Variants in STK10 observed in about 807,000 individuals in gnomAD.
STK10 encodes serine/threonine-protein kinase 10.
STK10 carries 78 observed loss-of-function variants against 113.8 expected under a neutral mutation model. The observed-to-expected ratio is 0.69, with a 90% CI of 0.57 to 0.83. STK10 has a LOEUF of 0.83. STK10 is among the 40% of genes least tolerant of loss of function. STK10 has a pLI of 0.00. For synonymous variants in STK10, 465 were observed against 494.7 expected (o/e 0.94, Z 0.80); for missense variants, 1,109 against 1,280.1 (o/e 0.87, Z 2.04).
intron 1 of STK10, among the ~76,000 whole-genome samples, chr5:172,165,054 C>A (rs3822512): frequency 0.41 from 62,816 of 151,960 alleles, 13,290 homozygotes; most frequent in East Asian, 0.6. Flanking sequence ...ATAACCCTCC[C>A]AGCCGGGGAC....
rs1349010893 is a variant in STK10, at chr5:172,055,498, T to C, written c.2526+90A>G. 4.1e-6 allele frequency: 5 copies of C among 1,222,846 alleles called. No homozygotes were observed. In the South Asian group the frequency reaches 8.8e-5, roughly 22 times the overall value. The allele number at this position is 1,222,846 out of a possible 1,614,324, so 75.7% of individuals were successfully genotyped here. ...AGCCAGCCTGCATCTTGTTTCATAT[T>C]CTCCAAAACTGTATAAGGCCCAGGT... On this transcript the variant is annotated intron_variant, in intron 16 of 18. Transcript: ENST00000176763.
At chr5:172,097,616 T>C (rs1226679522) in intron 7 of STK10, among the ~76,000 whole-genome samples, 3 of 152,222 alleles carry the variant, frequency 2.0e-5, no homozygotes, top group South Asian at 4.1e-4. Flanking sequence ...CTGTGCAGGG[T>C]CTCACTGTAT....
Position 172,075,396 on chromosome 5 carries a change from G to A in STK10, c.1989+6930C>T, listed in dbSNP as rs528360418. ...ACTTCACTAAAAAATACATATGGGT[G>A]CCAGGCGCGGTGGCTCATGCCTGTA... On this transcript the variant is annotated intron_variant, in intron 12 of 18. Transcript: ENST00000176763. Among the ~76,000 whole-genome samples, 652 of 152,280 alleles carry A rather than the reference G, an allele frequency of 4.3e-3. 7 individuals are homozygous for A. The highest frequency in any genetic ancestry group is 0.015 in the African/African-American group (634 of 41,562).
chr5:172,149,189 G>C (rs896279347), intron 2 of STK10, among the ~76,000 whole-genome samples: 1 of 152,202 alleles, frequency 6.6e-6, no homozygotes, highest in South Asian at 2.1e-4. Flanking sequence ...CAATCCCACA[G>C]AACTGTGAGG....
In STK10 at chr5:172,120,767, G is replaced by A. The variant is rs1351114366; in HGVS notation, c.371-3137C>T. Among the ~76,000 whole-genome samples the A allele has an allele frequency of 2.0e-5, 3 of 152,186 alleles. No homozygotes were observed. The highest frequency in any genetic ancestry group is 2.0e-4 in the Admixed American group (3 of 15,264). ...TAAGATGAGTCCAGGGCTGGAATAT[G>A]TGCCGCAATCTTTTTAATGGCAAAA... On this transcript the variant is annotated intron_variant, in intron 3 of 18. Transcript: ENST00000176763. This position sits in a 1 kb window ranked among gnomAD's most constrained non-coding sequence, Gnocchi z 4.0.
intron 2 of STK10, among the ~76,000 whole-genome samples, chr5:172,145,026 T>C (rs958823030): frequency 2.6e-5 from 4 of 152,184 alleles, no homozygotes; most frequent in Non-Finnish European, 5.9e-5. Flanking sequence ...CAAAGTCCCC[T>C]GAGCTTGAGT....
intron 1 of STK10, among the ~76,000 whole-genome samples, chr5:172,165,678 C>T (rs76241431): frequency 0.026 from 3,998 of 152,274 alleles, 200 homozygotes; most frequent in African/African-American, 0.091. Flanking sequence ...GAACCAAGGG[C>T]GCCTGAAAAT....
At chr5:172,077,555 C>T (rs1022102100) in intron 12 of STK10, among the ~76,000 whole-genome samples, 8 of 152,152 alleles carry the variant, frequency 5.3e-5, no homozygotes, top group Non-Finnish European at 1.5e-5. Context: ...TGCATATATA[C>T]ACATACACAG....
rs867501113 is a variant in STK10, at chr5:172,104,880, C to T, written c.870+776G>A. 2.6e-5 allele frequency among the ~76,000 whole-genome samples: 4 copies of T among 152,310 alleles called. No individual in the cohort carries two copies. The Middle Eastern group carries it at 0.01, about 389-fold the overall frequency. On this transcript the variant is annotated intron_variant, in intron 7 of 18. Coordinates refer to ENST00000176763, the MANE Select transcript of STK10 (RefSeq NM_005990.4). ...TTATGTGACCACTACCCACTAAAAA[C>T]CCTAAGGGGCTTCCGTGGTGGACAG...
Position 172,165,815 on chromosome 5 carries a change from G to A in STK10, c.157-9027C>T, listed in dbSNP as rs551415097. ...TTGCTTTTTTTTTTTTTTTTGAGAC[G>A]GAGTTTCCCTCTTTGTTGCCCAGGC... is the stretch of plus-strand genomic sequence containing the variant. On this transcript the variant is annotated intron_variant, in intron 1 of 18. Coordinates refer to ENST00000176763, the MANE Select transcript of STK10 (RefSeq NM_005990.4). 3.7e-4 allele frequency among the ~76,000 whole-genome samples: 56 copies of A among 150,698 alleles called. 1 individual carries two copies. The South Asian group carries it at 8.8e-3, about 24-fold the overall frequency.
At chr5:172,145,756 T>TGGTAGAGGCTGCCTCC (rs1770073183) in intron 2 of STK10, among the ~76,000 whole-genome samples, 1 of 152,128 alleles carries the variant, frequency 6.6e-6, no homozygotes, top group Admixed American at 6.6e-5. Flanking sequence ...GTGGGGGTGA[T>TGGTAGAGGCTGCCTCC]GGTAGAGGCT....
At chr5:172,149,425 T>A (rs1770158089) in intron 2 of STK10, among the ~76,000 whole-genome samples, 1 of 152,164 alleles carries the variant, frequency 6.6e-6, no homozygotes, top group African/African-American at 2.4e-5. Flanking sequence ...GGCATGTCGA[T>A]ACAGTAATAA....
chr5:172,061,242 C>T lies in STK10; in HGVS notation c.2109G>A (p.Lys703=), dbSNP rs1000105369. The change falls in exon 14 of 19, where the codon AAG becomes AAA. Residue 703 remains lysine, a synonymous_variant. Transcript: ENST00000176763. The part of the protein sequence containing the change: ...LLDRDFVAKQ[K]EDLELAMKRL... ...TCTTCATGGCCAGCTCCAGGTCCTC[C>T]TTCTGCTTGGCTACAAAGTCCCGGT... is the stretch of plus-strand genomic sequence containing the variant. 6.2e-7 allele frequency: 1 copy of T among 1,613,176 alleles called. No homozygotes were observed. The highest frequency in any genetic ancestry group is 1.3e-5 in the African/African-American group (1 of 74,932).
intron 13 of STK10, 130 bp from the exon 14 acceptor site, chr5:172,061,398 G>A (rs1767933955): frequency 1.5e-6 from 2 of 1,355,410 alleles, no homozygotes; most frequent in African/African-American, 1.5e-5. Flanking sequence ...AATTGGTGGA[G>A]GAGAAATTTA....
chr5:172,055,762 C>T lies in STK10; in HGVS notation c.2352G>A (p.Met784Ile). Residue 784 changes from methionine (M) to isoleucine (I), a missense_variant, in exon 16 of 19, where the codon ATG becomes ATA. By Grantham distance (10) the Met-to-Ile change is conservative (BLOSUM62 1). Around this residue, in one of 5 missense-constraint regions of STK10, gnomAD observed 885 missense variants for 991.1 expected, o/e 0.89. Transcript: ENST00000176763. ...CTATCATGCGCTGGTTGTAGCGCTG[C>T]ATCTGCTCCCGCTCCTGGAGAGGAA... ...LRKHEKEREQMQRYNQRMIEQ... is the reference protein window; with the variant it reads ...LRKHEKEREQIQRYNQRMIEQ... The T allele has an allele frequency of 1.3e-6, 2 of 1,503,770 alleles. No individual in the cohort carries two copies. The highest frequency in any genetic ancestry group is 9.0e-7 in the Non-Finnish European group (1 of 1,117,284). 93.2% of individuals were successfully genotyped at this position (1,503,770 alleles called of 1,614,324 possible).
intron 16 of STK10, 109 bp from the exon 17 acceptor site, chr5:172,054,803 G>T (rs970175838): frequency 6.8e-7 from 1 of 1,473,680 alleles, no homozygotes; most frequent in Non-Finnish European, 9.2e-7. Context: ...ACTGGTCTGT[G>T]CACAGCCCCA....
rs1490592156 is a variant in STK10, at chr5:172,103,920, G to A, written c.870+1736C>T. Among the ~76,000 whole-genome samples, 5 of 152,336 alleles carry A rather than the reference G, an allele frequency of 3.3e-5. No homozygotes were observed. The East Asian group carries it at 5.8e-4, about 18-fold the overall frequency. ...ATTTCAGAGTGACAAGCAAGTCACA[G>A]AGAGGTTAAGCCATTTGCCCAGGGG... On this transcript the variant is annotated intron_variant, in intron 7 of 18. Transcript: ENST00000176763.
At chr5:172,056,995 G>GAGAGAGAAAGAA (rs1554115544) in intron 15 of STK10, 3 of 69,684 alleles carry the variant, frequency 4.3e-5, no homozygotes, top group East Asian at 4.5e-4. Flanking sequence ...AAGAAAGAAA[G>GAGAGAGAAAGAA]AGAAAGAAGG....
chr5:172,178,337 C>G (rs1177378878), intron 1 of STK10, among the ~76,000 whole-genome samples: 1 of 152,190 alleles, frequency 6.6e-6, no homozygotes, highest in East Asian at 1.9e-4. Context: ...ATGGGCCGGC[C>G]TCTCTCCTGG....
Sources: gnomAD v4.1 joint callset for allele counts (sites outside exome capture counted in the v4.1 genomes callset) on GRCh38, gnomAD v4.1.1 for gene constraint, gnomAD v4.1.1 regional missense constraint, Gnocchi (gnomAD v3.1) non-coding constraint, MANE v1.5 for transcripts, NCBI Gene and HGNC (gene_info 2026-07-23, HGNC 2026-07-21) for gene names.